Variants in CAMTA1 observed in about 807,000 individuals in gnomAD.
CAMTA1 encodes calmodulin binding transcription activator 1.
CAMTA1 carries 27 observed loss-of-function variants against 170.9 expected under a neutral mutation model. That is an observed-to-expected ratio of 0.16 (90% CI 0.12 to 0.22). The LOEUF (loss-of-function observed/expected upper bound fraction) is 0.22, where lower values mean the gene tolerates loss of function less well. Ranked by LOEUF, CAMTA1 falls within the 10% of genes least tolerant of loss-of-function variation. The pLI is 1.00. For synonymous variants in CAMTA1, 833 were observed against 891.5 expected, an observed-to-expected ratio of 0.93 and a Z score of 1.17; for missense variants, 1,619 against 2,217.2, an observed-to-expected ratio of 0.73 and a Z score of 5.42.
intron 4 of CAMTA1, among the ~76,000 whole-genome samples, chr1:7,109,742 T>C (rs1643899713): frequency 6.6e-6 from 1 of 152,180 alleles, no homozygotes; most frequent in Non-Finnish European, 1.5e-5. Context: ...CGTCCTCCCA[T>C]TGGCCTGAGT....
intron 4 of CAMTA1, among the ~76,000 whole-genome samples, chr1:7,197,628 CCACACACACACACACACACACACACA>C (rs3222484): frequency 9.1e-6 from 1 of 109,796 alleles, no homozygotes; most frequent in African/African-American, 3.1e-5. Context: ...TTGTCCCCCA[CCACACACACACACACACACACACACA>C]CACACACACA....
chr1:7,212,382 T>C (rs1658937019), intron 4 of CAMTA1, among the ~76,000 whole-genome samples: 1 of 152,202 alleles, frequency 6.6e-6, no homozygotes, highest in Non-Finnish European at 1.5e-5. Flanking sequence ...TCCCCACACA[T>C]GGGTAACCAC....
chr1:7,564,696 G>A (rs1473499694), intron 6 of CAMTA1, among the ~76,000 whole-genome samples: 1 of 152,062 alleles, frequency 6.6e-6, no homozygotes, highest in Non-Finnish European at 1.5e-5. Flanking sequence ...AGCTCTGCAG[G>A]CCCTCTGCCC....
At chr1:7,386,120 A>G (rs1419288263) in intron 5 of CAMTA1, among the ~76,000 whole-genome samples, 1 of 152,224 alleles carries the variant, frequency 6.6e-6, no homozygotes, top group South Asian at 2.1e-4. Flanking sequence ...ACATGCGCAC[A>G]GCCCCAGCCC....
At position 7,766,786 on chromosome 1, in the gene CAMTA1, A is replaced by G; in HGVS notation, c.*295A>G. ...AAATCAAGACACCCAGGAGGAATTG[A>G]AAGAGGCTTCCTCTTCTCAGGAAGA... On this transcript the variant is annotated 3_prime_UTR_variant, in exon 23 of 23. Coordinates refer to ENST00000303635, the MANE Select transcript of CAMTA1 (RefSeq NM_015215.4). 1 of 414,182 alleles carries G rather than the reference A, an allele frequency of 2.4e-6. No individual in the cohort carries two copies. 25.7% of individuals were successfully genotyped at this position (414,182 alleles called of 1,614,324 possible). A position where few individuals can be genotyped will look rare whatever the true frequency, so the allele number is the denominator to read the frequency against.
At chr1:7,381,305 T>TCCCCCCA (rs2087300845) in intron 5 of CAMTA1, among the ~76,000 whole-genome samples, 1 of 87,492 alleles carries the variant, frequency 1.1e-5, no homozygotes, top group Non-Finnish European at 2.3e-5. Flanking sequence ...CCCTCCCCCC[T>TCCCCCCA]CCCCCAACCC....
intron 4 of CAMTA1, among the ~76,000 whole-genome samples, chr1:7,233,688 A>C (rs1440962615): frequency 6.6e-6 from 1 of 152,152 alleles, no homozygotes; most frequent in African/African-American, 2.4e-5. Flanking sequence ...TCCCTGCTTC[A>C]AAACCTCCAG....
intron 4 of CAMTA1, among the ~76,000 whole-genome samples, chr1:7,240,450 G>T (rs548312987): frequency 1.6e-4 from 24 of 151,396 alleles, no homozygotes; most frequent in Non-Finnish European, 2.9e-4. Context: ...ATGTATTTCA[G>T]TCGAATGTTG....
chr1:7,493,954 C>T (rs1037598014), intron 6 of CAMTA1, among the ~76,000 whole-genome samples: 2 of 152,100 alleles, frequency 1.3e-5, no homozygotes, highest in African/African-American at 4.8e-5. Context: ...CCAGGCTCAG[C>T]AGGCCACCCG....
intron 5 of CAMTA1, chr1:7,388,525 CCT>C (rs1217633833): frequency 6.6e-6 from 1 of 152,288 alleles, no homozygotes; most frequent in Non-Finnish European, 1.5e-5. Context: ...GTTAATAGCC[CCT>C]GTCTTCCTGG....
chr1:6,889,421 A>G (rs565567225), intron 3 of CAMTA1, among the ~76,000 whole-genome samples: 2 of 152,352 alleles, frequency 1.3e-5, no homozygotes, highest in African/African-American at 4.8e-5. Context: ...GATTGCATTC[A>G]AGAAATGCAA....
chr1:7,378,836 G>C (rs1424854922), intron 5 of CAMTA1, among the ~76,000 whole-genome samples: 1 of 152,194 alleles, frequency 6.6e-6, no homozygotes, highest in East Asian at 1.9e-4. Flanking sequence ...TGAGGCCTGT[G>C]GGCCCAGCAG....
At chr1:6,981,615 T>C (rs1694452540) in intron 3 of CAMTA1, among the ~76,000 whole-genome samples, 1 of 151,994 alleles carries the variant, frequency 6.6e-6, no homozygotes, top group Admixed American at 6.6e-5. Flanking sequence ...AATTTTTTTG[T>C]GGAGACAAGT....
At chr1:7,114,589 G>A (rs1644255857) in intron 4 of CAMTA1, among the ~76,000 whole-genome samples, 1 of 152,244 alleles carries the variant, frequency 6.6e-6, no homozygotes, top group South Asian at 2.1e-4. Flanking sequence ...CATAGGCAAA[G>A]AGATTTTTTA....
intron 11 of CAMTA1, among the ~76,000 whole-genome samples, chr1:7,704,517 G>A (rs1381211663): frequency 6.8e-6 from 1 of 147,614 alleles, no homozygotes; most frequent in African/African-American, 2.4e-5. Context: ...ACCTCCGGCC[G>A]GGCCCCCGCC....
chr1:7,280,646 T>A (rs1671374755), intron 5 of CAMTA1, among the ~76,000 whole-genome samples: 1 of 152,256 alleles, frequency 6.6e-6, no homozygotes, highest in South Asian at 2.1e-4. Context: ...CTGCATCACC[T>A]TCTTCCTGTT....
chr1:7,314,082 G>C (rs6577438), intron 5 of CAMTA1, among the ~76,000 whole-genome samples: 39,559 of 152,184 alleles, frequency 0.26, 5,526 homozygotes, highest in Middle Eastern at 0.44. Context: ...CCCCGGGAGG[G>C]ATCCATTCCT....
At chr1:7,582,369 C>T (rs114222243) in intron 6 of CAMTA1, among the ~76,000 whole-genome samples, 2,991 of 152,300 alleles carry the variant, frequency 0.02, 81 homozygotes, top group African/African-American at 0.068. Flanking sequence ...TCACCCACCC[C>T]CTACCCTGCA....
rs561009217 is a variant in CAMTA1, at chr1:7,521,508, A to T, written c.510+53607A>T. Among the ~76,000 whole-genome samples the T allele has an allele frequency of 4.0e-5, 6 of 149,964 alleles. No homozygotes were observed. The South Asian group carries it at 1.3e-3, about 32-fold the overall frequency. On this transcript the variant is annotated intron_variant, in intron 6 of 22. Transcript: ENST00000303635. Reference sequence around the variant, plus strand: ...TTTCATTCTCTACAATTTATTATACATGTAGGTTTGTGTATCCACCACCGT... The same window carrying T: ...TTTCATTCTCTACAATTTATTATACTTGTAGGTTTGTGTATCCACCACCGT...
Sources: allele counts gnomAD v4.1 joint callset (sites outside exome capture counted in the v4.1 genomes callset), GRCh38; gene constraint gnomAD v4.1.1; transcripts MANE v1.5; gene names NCBI Gene and HGNC (gene_info 2026-07-23, HGNC 2026-07-21).